CCDC152: variants seen among roughly 807,000 people sequenced by gnomAD.
CCDC152 encodes coiled-coil domain containing 152, also known as coiled-coil domain-containing protein 152.
A neutral mutation model predicts 38.1 loss-of-function variants in CCDC152; 37 were observed. The observed-to-expected ratio is 0.97, with a 90% CI of 0.75 to 1.28. CCDC152 has a LOEUF of 1.28. Ranked by LOEUF, CCDC152 falls within the 50% of genes most tolerant of loss-of-function variation. The pLI is 0.00. For synonymous variants in CCDC152, 83 were observed against 87.1 expected, an observed-to-expected ratio of 0.95 and a Z score of 0.26; for missense variants, 259 against 292.1, an observed-to-expected ratio of 0.89 and a Z score of 0.83.
intron 1 of CCDC152, among the ~76,000 whole-genome samples, chr5:42,757,202 T>G (rs1194527137): frequency 2.0e-5 from 3 of 152,214 alleles, no homozygotes; most frequent in Non-Finnish European, 4.4e-5. Flanking sequence ...CCTTTATTTC[T>G]GCTAGGTCCC....
At chr5:42,758,857 T>C (rs1048092488) in intron 1 of CCDC152, among the ~76,000 whole-genome samples, 2 of 152,214 alleles carry the variant, frequency 1.3e-5, no homozygotes, top group African/African-American at 4.8e-5. Flanking sequence ...ATGCCTCAGA[T>C]TTAATATTGC....
chr5:42,791,479 T>A (rs1364522939), intron 6 of CCDC152, among the ~76,000 whole-genome samples: 1 of 152,238 alleles, frequency 6.6e-6, no homozygotes, highest in African/African-American at 2.4e-5. Context: ...GATACTTTTT[T>A]ACCCCTCACC....
In CCDC152 at chr5:42,801,637, C is replaced by T; in HGVS notation, c.*1856C>T. The stretch of plus-strand genomic sequence containing the variant: ...AAATCCTAAATTCAGTTGATCTGGG[C>T]CGAGCATGGTGGCTCATGCCTGTAA... On this transcript the variant is annotated 3_prime_UTR_variant, in exon 9 of 9. Coordinates refer to ENST00000361970, the MANE Select transcript of CCDC152 (RefSeq NM_001134848.2). 1 of 387,898 alleles carries T rather than the reference C, an allele frequency of 2.6e-6. No homozygotes were observed. The highest frequency in any genetic ancestry group is 4.5e-6 in the Non-Finnish European group (1 of 220,140). The allele number at this position is 387,898 out of a possible 1,614,324, so 24.0% of individuals were successfully genotyped here.
intron 1 of CCDC152, among the ~76,000 whole-genome samples, chr5:42,757,392 A>G (rs1282774677): frequency 6.6e-6 from 1 of 152,190 alleles, no homozygotes; most frequent in African/African-American, 2.4e-5. Flanking sequence ...GCCAGCAGAC[A>G]GGAGGACCCA....
intron 6 of CCDC152, among the ~76,000 whole-genome samples, chr5:42,790,419 C>T (rs1759983804): frequency 6.6e-6 from 1 of 152,102 alleles, no homozygotes; most frequent in South Asian, 2.1e-4. Flanking sequence ...CCAAATGGAG[C>T]AACTGGAACT....
At chr5:42,769,548 C>T in intron 3 of CCDC152, 49 bp from the exon 4 acceptor site, 2 of 1,415,350 alleles carry the variant, frequency 1.4e-6, no homozygotes, top group Admixed American at 3.2e-5. Flanking sequence ...AGAATAATTC[C>T]AAAATGAAAG....
In CCDC152 at chr5:42,800,843, T is replaced by A. The variant is rs747124068; in HGVS notation, c.*1062T>A. ...CTGGAGGCAAACGTCACTGACAAGA[T>A]TCAGTTATGTTCTCCTCTGCCCGAA... On this transcript the variant is annotated 3_prime_UTR_variant, in exon 9 of 9. Coordinates refer to ENST00000361970, the MANE Select transcript of CCDC152 (RefSeq NM_001134848.2). 6.2e-7 allele frequency: 1 copy of A among 1,614,192 alleles called. No homozygotes were observed. The highest frequency in any genetic ancestry group is 1.3e-5 in the African/African-American group (1 of 75,046).
At chr5:42,780,875 T>A (rs1444959193) in intron 5 of CCDC152, among the ~76,000 whole-genome samples, 1 of 152,150 alleles carries the variant, frequency 6.6e-6, no homozygotes, top group East Asian at 1.9e-4. Flanking sequence ...AATTTAAAAT[T>A]CCCAGAAAGC....
chr5:42,761,969 T>C (rs975905954), intron 2 of CCDC152, among the ~76,000 whole-genome samples: 3 of 152,218 alleles, frequency 2.0e-5, no homozygotes, highest in African/African-American at 7.2e-5. Flanking sequence ...AAGGATATGT[T>C]CTGAGAAATG....
intron 6 of CCDC152, among the ~76,000 whole-genome samples, chr5:42,793,291 A>T (rs1317887077): frequency 6.6e-6 from 1 of 152,178 alleles, no homozygotes; most frequent in African/African-American, 2.4e-5. Flanking sequence ...GAGCAAAAGG[A>T]TAGATTATAA....
At chr5:42,772,240 C>T (rs1413716445) in intron 4 of CCDC152, among the ~76,000 whole-genome samples, 1 of 152,098 alleles carries the variant, frequency 6.6e-6, no homozygotes, top group East Asian at 1.9e-4. Context: ...ATGATTAAAA[C>T]TCTCATGAAA....
intron 2 of CCDC152, among the ~76,000 whole-genome samples, chr5:42,759,471 A>G (rs1759520891): frequency 6.6e-6 from 1 of 152,264 alleles, no homozygotes; most frequent in Non-Finnish European, 1.5e-5. Context: ...AACAGAAAAT[A>G]CATATAGTAG....
intron 3 of CCDC152, among the ~76,000 whole-genome samples, chr5:42,765,161 C>T (rs1242341155): frequency 6.6e-6 from 1 of 151,972 alleles, no homozygotes. Flanking sequence ...AAAAGTAATC[C>T]CATTTACAAT....
At chr5:42,764,996 A>G (rs776705922) in intron 3 of CCDC152, among the ~76,000 whole-genome samples, 4 of 152,240 alleles carry the variant, frequency 2.6e-5, no homozygotes, top group African/African-American at 7.2e-5. Context: ...TCTTGTTTGC[A>G]GATGATATGG....
intron 4 of CCDC152, among the ~76,000 whole-genome samples, chr5:42,770,766 T>A (rs1337288004): frequency 6.6e-6 from 1 of 152,186 alleles, no homozygotes; most frequent in Non-Finnish European, 1.5e-5. Context: ...AATCTATTTA[T>A]CTGTGTCTTC....
chr5:42,770,376 G>A (rs1395282310), intron 4 of CCDC152, among the ~76,000 whole-genome samples: 1 of 152,164 alleles, frequency 6.6e-6, no homozygotes, highest in Non-Finnish European at 1.5e-5. Context: ...GTAATTTGGA[G>A]TGTTAAAAAG....
At chr5:42,760,024 G>A (rs1435777948) in intron 2 of CCDC152, among the ~76,000 whole-genome samples, 1 of 151,640 alleles carries the variant, frequency 6.6e-6, no homozygotes, top group African/African-American at 2.4e-5. Context: ...CATTGTCCAG[G>A]CAGGGCACGG....
At chr5:42,765,404 G>GA (rs1452357836) in intron 3 of CCDC152, among the ~76,000 whole-genome samples, 2 of 151,944 alleles carry the variant, frequency 1.3e-5, no homozygotes, top group African/African-American at 4.8e-5. Context: ...CAAAGAAATA[G>GA]AAAAAACAAT....
intron 5 of CCDC152, among the ~76,000 whole-genome samples, chr5:42,782,844 A>G (rs940732324): frequency 1.3e-5 from 2 of 152,026 alleles, no homozygotes; most frequent in African/African-American, 2.4e-5. Flanking sequence ...ATAAATATAT[A>G]TAATTTTTAA....
Sources: gnomAD v4.1 joint callset for allele counts (sites outside exome capture counted in the v4.1 genomes callset) on GRCh38, gnomAD v4.1.1 for gene constraint, MANE v1.5 for transcripts, NCBI Gene and HGNC (gene_info 2026-07-23, HGNC 2026-07-21) for gene names.